RABGAP1L: variants seen among roughly 807,000 people sequenced by gnomAD.
RABGAP1L encodes rab GTPase-activating protein 1-like.
Under a neutral mutation model 137.7 loss-of-function variants are expected in RABGAP1L, and 63 were observed. The ratio of observed to expected loss-of-function variants is 0.46; its 90% CI spans 0.37 to 0.56. The LOEUF (loss-of-function observed/expected upper bound fraction) is 0.56, where lower values mean the gene tolerates loss of function less well. RABGAP1L is among the 20% of genes least tolerant of loss of function. The probability of loss-of-function intolerance (pLI) is 0.00; values close to 1 mark genes in which losing one functional copy is unlikely to be tolerated. For missense variants in RABGAP1L, 1,095 were observed against 1,244.0 expected (o/e 0.88, Z 1.80); for synonymous variants, 431 against 433.7 (o/e 0.99, Z 0.08).
rs538030583 is a variant in RABGAP1L at position 174,781,648 on chromosome 1, A to G, written c.2211+29294A>G. Among the ~76,000 whole-genome samples, 4 of 152,294 alleles carry G rather than the reference A, an allele frequency of 2.6e-5. No individual in the cohort carries two copies. In the East Asian group the frequency reaches 5.8e-4, roughly 22 times the overall value. On this transcript the variant is annotated intron_variant, in intron 18 of 25. Transcript: ENST00000681986. ...AGACATGAAGTCCTTGCCCATGCTT[A>G]TGTCCTGAATGGTATTGGCTAGGTT...
chr1:174,548,267 T>C (rs1666180015), intron 13 of RABGAP1L: 3 of 1,368,290 alleles, frequency 2.2e-6, no homozygotes, highest in Non-Finnish European at 2.8e-6. Flanking sequence ...TTTTAAACTC[T>C]TTGCTATATA....
intron 13 of RABGAP1L, among the ~76,000 whole-genome samples, chr1:174,580,001 T>G (rs977020234): frequency 6.6e-6 from 1 of 152,218 alleles, no homozygotes; most frequent in African/African-American, 2.4e-5. Flanking sequence ...CCTCAGGTGA[T>G]CTGCCTTGCC....
At chr1:174,399,468 A>G (rs1342788993) in intron 13 of RABGAP1L, among the ~76,000 whole-genome samples, 3 of 152,158 alleles carry the variant, frequency 2.0e-5, no homozygotes, top group African/African-American at 7.2e-5. Flanking sequence ...CAAGATTTCA[A>G]GGTTAGTTAA....
chr1:174,685,967 G>A (rs1678428266), intron 15 of RABGAP1L, among the ~76,000 whole-genome samples: 2 of 152,186 alleles, frequency 1.3e-5, no homozygotes, highest in Non-Finnish European at 2.9e-5. Context: ...AATGCTGGAG[G>A]AGAAATGAAA....
intron 7 of RABGAP1L, among the ~76,000 whole-genome samples, chr1:174,267,139 A>C (rs1018352025): frequency 6.6e-6 from 1 of 152,224 alleles, no homozygotes; most frequent in African/African-American, 2.4e-5. Context: ...CATGTCAGCC[A>C]AAATACTGAA....
intron 1 of RABGAP1L, among the ~76,000 whole-genome samples, chr1:174,186,125 CAA>C (rs1284098639): frequency 1.9e-4 from 26 of 135,172 alleles, no homozygotes; most frequent in Admixed American, 1.0e-3. Flanking sequence ...GCCTGGGCAA[CAA>C]GAGCGAAATT....
chr1:174,305,828 C>T (rs1678182327), intron 11 of RABGAP1L, among the ~76,000 whole-genome samples: 1 of 151,422 alleles, frequency 6.6e-6, no homozygotes, highest in Non-Finnish European at 1.5e-5. Context: ...AGGTTTGTTA[C>T]ATATGTATAC....
At chr1:174,201,804 C>G (rs1195557731) in intron 1 of RABGAP1L, among the ~76,000 whole-genome samples, 1 of 108,948 alleles carries the variant, frequency 9.2e-6, no homozygotes, top group Non-Finnish European at 1.8e-5. Context: ...CTCCCCCCTC[C>G]CCCCACCCCA....
chr1:174,436,151 A>G (rs903148165), intron 13 of RABGAP1L, among the ~76,000 whole-genome samples: 1 of 152,214 alleles, frequency 6.6e-6, no homozygotes, highest in Non-Finnish European at 1.5e-5. Context: ...CATGATTTAT[A>G]ATCCTTTGGG....
At chr1:174,367,001 A>C (rs1243232635) in intron 11 of RABGAP1L, 1 of 152,078 alleles carries the variant, frequency 6.6e-6, no homozygotes, top group Non-Finnish European at 1.5e-5. Flanking sequence ...TAGCCTTATA[A>C]AATTTTGAAG....
chr1:174,275,770 GTAATT>G, intron 8 of RABGAP1L, 58 bp from the exon 9 acceptor site: 4 of 1,201,314 alleles, frequency 3.3e-6, no homozygotes, highest in Non-Finnish European at 4.8e-6. Context: ...AAAGTAAGAT[GTAATT>G]TAAAGTAGTG....
chr1:174,374,027 G>C (rs535347545), intron 12 of RABGAP1L, among the ~76,000 whole-genome samples: 5 of 152,000 alleles, frequency 3.3e-5, no homozygotes, highest in African/African-American at 9.6e-5. Flanking sequence ...GCACTGATAA[G>C]AAAAAAAACA....
intron 1 of RABGAP1L, among the ~76,000 whole-genome samples, chr1:174,161,357 C>T (rs1664434821): frequency 6.6e-6 from 1 of 152,020 alleles, no homozygotes; most frequent in African/African-American, 2.4e-5. Context: ...ATTCTCCTGC[C>T]TCAGCTTTTT....
chr1:174,843,926 G>A (rs1468185636), intron 19 of RABGAP1L, among the ~76,000 whole-genome samples: 7 of 121,976 alleles, frequency 5.7e-5, no homozygotes, highest in Non-Finnish European at 1.2e-4. Context: ...CATTCTAACT[G>A]GTGTGAGATG....
chr1:174,484,402 C>T (rs1167937025), intron 13 of RABGAP1L, among the ~76,000 whole-genome samples: 1 of 151,934 alleles, frequency 6.6e-6, no homozygotes, highest in African/African-American at 2.4e-5. Context: ...AAGATTTTTA[C>T]CTTGATGTGA....
intron 17 of RABGAP1L, among the ~76,000 whole-genome samples, chr1:174,727,881 G>GTAATCTCAT (rs1244232984): frequency 6.6e-6 from 1 of 152,036 alleles, no homozygotes; most frequent in Non-Finnish European, 1.5e-5. Context: ...TCTTTTTTGG[G>GTAATCTCAT]TAATCTCATG....
intron 20 of RABGAP1L, among the ~76,000 whole-genome samples, chr1:174,958,529 C>T (rs1340650910): frequency 6.6e-6 from 1 of 152,236 alleles, no homozygotes; most frequent in East Asian, 1.9e-4. Context: ...GCCAAAATCT[C>T]CTGCCAAGAA....
At chr1:174,520,368 A>G (rs1188524906) in intron 13 of RABGAP1L, among the ~76,000 whole-genome samples, 2 of 152,238 alleles carry the variant, frequency 1.3e-5, no homozygotes, top group Non-Finnish European at 2.9e-5. Context: ...TGAGGAATTC[A>G]TTGTTCAGTG....
At chr1:174,272,616 G>A (rs190719651) in intron 8 of RABGAP1L, 136 bp downstream of exon 8, 5 of 1,168,246 alleles carry the variant, frequency 4.3e-6, no homozygotes, top group Admixed American at 8.1e-5. Flanking sequence ...AATTAAATTT[G>A]GAAACGCAAA....
Sources: allele counts gnomAD v4.1 joint callset (sites outside exome capture counted in the v4.1 genomes callset), GRCh38; gene constraint gnomAD v4.1.1; transcripts MANE v1.5; gene names NCBI Gene and HGNC (gene_info 2026-07-23, HGNC 2026-07-21).